WDR86: variants seen among roughly 807,000 people sequenced by gnomAD.
WDR86 encodes WD repeat domain 86, also known as WD repeat-containing protein 86.
Under a neutral mutation model 36.5 loss-of-function variants are expected in WDR86, and 30 were observed. The observed-to-expected ratio is 0.82, with a 90% CI of 0.61 to 1.11. The LOEUF (loss-of-function observed/expected upper bound fraction) is 1.11, where lower values mean the gene tolerates loss of function less well. Among genes scored for constraint, WDR86 ranks in the 50% most tolerant of loss-of-function variants. The probability of loss-of-function intolerance (pLI) is 0.00; values close to 1 mark genes in which losing one functional copy is unlikely to be tolerated. For missense variants in WDR86, 545 were observed against 561.2 expected (o/e 0.97, Z 0.29); for synonymous variants, 255 against 252.9 (o/e 1.01, Z -0.08).
Position 151,381,230 on chromosome 7 carries a change from A to T in WDR86, c.*352T>A, listed in dbSNP as rs962842354. 2.5e-5 allele frequency: 32 copies of T among 1,286,814 alleles called. No individual in the cohort carries two copies. Among genetic ancestry groups the T allele is most frequent in the Non-Finnish European group, 3.0e-5 (31 of 1,021,482 alleles). The allele number at this position is 1,286,814 out of a possible 1,614,324, so 79.7% of individuals were successfully genotyped here. A position where few individuals can be genotyped will look rare whatever the true frequency, so the allele number is the denominator to read the frequency against. ...CTTCTGTAAAAAGTCACTTCCTCTC[A>T]GCAGGAAAGGCCCAGTTTCGTGGGG... On this transcript the variant is annotated 3_prime_UTR_variant, in exon 6 of 6. Coordinates refer to ENST00000334493, the MANE Select transcript of WDR86 (RefSeq NM_198285.3). This position sits in a 1 kb window ranked among gnomAD's most constrained non-coding sequence, Gnocchi z 4.8.
chr7:151,386,027 C>T (rs1029832019), intron 3 of WDR86, among the ~76,000 whole-genome samples: 99 of 152,134 alleles, frequency 6.5e-4, no homozygotes, highest in African/African-American at 2.2e-3. Flanking sequence ...TGACCTGGCG[C>T]GATGGCACAG....
upstream of WDR86, chr7:151,410,145 C>T (rs1432922953): frequency 4.3e-6 from 4 of 926,454 alleles, no homozygotes; most frequent in East Asian, 3.5e-4. Flanking sequence ...CCCTTCGTCG[C>T]TGTGCGGGTC....
downstream of WDR86, chr7:151,374,253 C>G (rs1304415696): frequency 5.8e-6 from 9 of 1,551,762 alleles, no homozygotes; most frequent in African/African-American, 1.4e-5. Flanking sequence ...GGTAGCAGCT[C>G]CCTCGGGGCC....
intron 2 of WDR86, among the ~76,000 whole-genome samples, chr7:151,399,745 G>A (rs995827258): frequency 1.3e-5 from 2 of 152,236 alleles, no homozygotes; most frequent in Admixed American, 6.5e-5. Flanking sequence ...GTCCACCATC[G>A]GGTCTCAATT....
Position 151,395,880 on chromosome 7 carries a change from C to T in WDR86, c.622G>A (p.Ala208Thr), listed in dbSNP as rs1173555956. The T allele has an allele frequency of 1.2e-6, 2 of 1,601,158 alleles. No individual in the cohort carries two copies. Among genetic ancestry groups the T allele is most frequent in the Non-Finnish European group, 1.7e-6 (2 of 1,176,076 alleles). ...CLVLDTPGHTAFTGSTDATIR... is the reference protein window; with the variant it reads ...CLVLDTPGHTTFTGSTDATIR... ...GTGGCGTCGGTGCTGCCTGTGAAGGCCGTGTGGCCGGGCGTGTCTAGCACT... is the reference window on the plus strand; with the variant it reads ...GTGGCGTCGGTGCTGCCTGTGAAGGTCGTGTGGCCGGGCGTGTCTAGCACT... The change falls in exon 3 of 6, where the codon GCC (alanine) becomes ACC (threonine). Residue 208 changes from alanine to threonine, a missense_variant. Coordinates refer to ENST00000334493, the MANE Select transcript of WDR86 (RefSeq NM_198285.3).
chr7:151,376,332 A>C (rs534752734), downstream of WDR86: 8 of 488,124 alleles, frequency 1.6e-5, no homozygotes, highest in South Asian at 1.8e-4. Context: ...GCACGCCTGT[A>C]TGCTGTGGCC....
At chr7:151,377,339 G>T (rs932127184), downstream of WDR86, 120 of 593,954 alleles carry the variant, frequency 2.0e-4, no homozygotes, top group Middle Eastern at 2.1e-3. Flanking sequence ...CTCTTTGGGT[G>T]TAGGAGGGGG....
chr7:151,404,859 G>A (rs1800595166), intron 1 of WDR86, among the ~76,000 whole-genome samples: 3 of 152,168 alleles, frequency 2.0e-5, no homozygotes, highest in African/African-American at 7.2e-5. Flanking sequence ...TCAGAGCTTC[G>A]GACCTGCTGG....
At position 151,390,868 on chromosome 7, in the gene WDR86, G is replaced by A. The variant is rs1444281581; in HGVS notation, c.726+4908C>T. ...ATTCAGAGACACAAAGCAGAAGGGC[G>A]GGTGCCCGGGGCATGGAAGAGCAGC... is the stretch of plus-strand genomic sequence containing the variant. On this transcript the variant is annotated intron_variant, in intron 3 of 5. Transcript: ENST00000334493. The surrounding 1 kb of genome is among the most constrained non-coding windows in gnomAD (Gnocchi z 4.5). 2.6e-5 allele frequency among the ~76,000 whole-genome samples: 4 copies of A among 152,274 alleles called. No individual in the cohort carries two copies. Among genetic ancestry groups the A allele is most frequent in the Admixed American group, 6.5e-5 (1 of 15,290 alleles).
At chr7:151,383,496 T>C (rs1798758061) in intron 4 of WDR86, among the ~76,000 whole-genome samples, 1 of 150,246 alleles carries the variant, frequency 6.7e-6, no homozygotes, top group Non-Finnish European at 1.5e-5. Flanking sequence ...AAAAAAATGT[T>C]TGTAGAGACA....
At chr7:151,400,041 C>T in intron 2 of WDR86, 59 bp downstream of exon 2, 1 of 1,449,966 alleles carries the variant, frequency 6.9e-7, no homozygotes, top group Non-Finnish European at 9.1e-7. Flanking sequence ...TCTGACCCCT[C>T]AGCCCCACCA....
At chr7:151,382,112 G>T (rs1584992235) in intron 4 of WDR86, 131 bp from the exon 5 acceptor site, 1 of 741,428 alleles carries the variant, frequency 1.3e-6, no homozygotes, top group Non-Finnish European at 2.2e-6. Context: ...GGCTCATATG[G>T]GAAGTGGACA....
downstream of WDR86, among the ~76,000 whole-genome samples, chr7:151,380,043 C>T (rs1162374270): frequency 2.0e-5 from 3 of 152,170 alleles, no homozygotes; most frequent in Non-Finnish European, 2.9e-5. Flanking sequence ...GGCTCCGGGA[C>T]GCAGCAAGAC....
chr7:151,384,671 C>T (rs1460762494), intron 4 of WDR86, among the ~76,000 whole-genome samples: 4 of 152,248 alleles, frequency 2.6e-5, no homozygotes, highest in African/African-American at 4.8e-5. Flanking sequence ...AAATAAACCA[C>T]CACCTCATTG....
chr7:151,409,209 C>G lies in WDR86; in HGVS notation c.163+218G>C. On this transcript the variant is annotated intron_variant, in intron 1 of 5. Coordinates refer to ENST00000334493, the MANE Select transcript of WDR86 (RefSeq NM_198285.3). The surrounding 1 kb of genome is among the most constrained non-coding windows in gnomAD (Gnocchi z 5.2). ...CCCACCCACCCGATCCCGGCCGCAC[C>G]CTGCTCTGCACCCGCACCCCACCCC... 1.3e-6 allele frequency: 1 copy of G among 747,564 alleles called. No homozygotes were observed. The highest frequency in any genetic ancestry group is 2.2e-6 in the Non-Finnish European group (1 of 449,030). 46.3% of individuals were successfully genotyped at this position (747,564 alleles called of 1,614,324 possible).
intron 2 of WDR86, among the ~76,000 whole-genome samples, chr7:151,398,902 C>G (rs537367413): frequency 3.3e-5 from 5 of 152,306 alleles, no homozygotes; most frequent in Non-Finnish European, 7.4e-5. Flanking sequence ...GCCTGACTCA[C>G]AGGAGGGCGC....
intron 2 of WDR86, among the ~76,000 whole-genome samples, chr7:151,397,476 C>T (rs188770500): frequency 1.0e-3 from 159 of 152,296 alleles, no homozygotes; most frequent in African/African-American, 3.7e-3. Context: ...CAGGCTGGAG[C>T]GCAGTGGCAC....
At chr7:151,403,651 A>G (rs1396607192) in intron 1 of WDR86, among the ~76,000 whole-genome samples, 1 of 152,262 alleles carries the variant, frequency 6.6e-6, no homozygotes, top group African/African-American at 2.4e-5. Flanking sequence ...ACATTTGAAG[A>G]AACTGCAGAT....
chr7:151,384,915 T>C (rs1167042204), intron 4 of WDR86, among the ~76,000 whole-genome samples, 173 bp downstream of exon 4: 1 of 152,248 alleles, frequency 6.6e-6, no homozygotes, highest in Non-Finnish European at 1.5e-5. Flanking sequence ...TATTTGCACC[T>C]TCTTTGCAAA....
Sources: gnomAD v4.1 joint callset for allele counts (sites outside exome capture counted in the v4.1 genomes callset) on GRCh38, gnomAD v4.1.1 for gene constraint, Gnocchi (gnomAD v3.1) non-coding constraint, MANE v1.5 for transcripts, NCBI Gene and HGNC (gene_info 2026-07-23, HGNC 2026-07-21) for gene names.